PRKCB: variants seen among roughly 807,000 people sequenced by gnomAD.
PRKCB encodes the protein protein kinase C beta.
In PRKCB, 13 loss-of-function variants were observed where a neutral mutation model predicts 81.5. That is an observed-to-expected ratio of 0.16 (90% confidence interval 0.10 to 0.25). The LOEUF is 0.25. PRKCB is among the 10% of genes least tolerant of loss of function. PRKCB has a pLI of 1.00. For synonymous variants in PRKCB, 335 were observed against 321.4 expected, an observed-to-expected ratio of 1.04 and a Z score of -0.45; for missense variants, 509 against 875.7, an observed-to-expected ratio of 0.58 and a Z score of 5.29.
chr16:23,927,096 C>T (rs1035628750), intron 2 of PRKCB, among the ~76,000 whole-genome samples: 12 of 152,158 alleles, frequency 7.9e-5, no homozygotes, highest in East Asian at 5.8e-4. Flanking sequence ...GGTGCCTGTA[C>T]GGTGAGATAT....
chr16:24,178,636 T>A (rs1031630155), intron 12 of PRKCB, among the ~76,000 whole-genome samples: 5 of 152,218 alleles, frequency 3.3e-5, no homozygotes, highest in Admixed American at 2.0e-4. Context: ...TTCCAAACTT[T>A]CACACAAATC....
At chr16:24,188,525 A>T (rs1967739997) in intron 15 of PRKCB, among the ~76,000 whole-genome samples, 3 of 152,284 alleles carry the variant, frequency 2.0e-5, no homozygotes, top group South Asian at 4.2e-4. Context: ...TTTTGAAAAC[A>T]GTCACCTGTT....
intron 2 of PRKCB, among the ~76,000 whole-genome samples, chr16:23,841,649 C>CTTTTTTTTTTTTT (rs59288831): frequency 1.7e-5 from 1 of 59,046 alleles, no homozygotes; most frequent in Non-Finnish European, 2.9e-5. Context: ...CACCACGGCC[C>CTTTTTTTTTTTTT]TTTTTTTTTT....
intron 3 of PRKCB, among the ~76,000 whole-genome samples, chr16:23,991,094 G>A (rs1964881211): frequency 6.6e-6 from 1 of 152,178 alleles, no homozygotes; most frequent in African/African-American, 2.4e-5. Flanking sequence ...AAAGTGAGTA[G>A]TGACTATCTT....
At chr16:24,029,506 C>T (rs1042974692) in intron 3 of PRKCB, among the ~76,000 whole-genome samples, 2 of 152,148 alleles carry the variant, frequency 1.3e-5, no homozygotes, top group Non-Finnish European at 2.9e-5. Context: ...GCCTCCTCGT[C>T]CTCAAGAAAA....
intron 2 of PRKCB, among the ~76,000 whole-genome samples, chr16:23,845,290 A>G (rs2141077359): frequency 6.6e-6 from 1 of 152,288 alleles, no homozygotes; most frequent in Non-Finnish European, 1.5e-5. Context: ...CTTTGAAGAA[A>G]ATGGACTGGG....
At chr16:24,146,297 C>T (rs985444367) in intron 9 of PRKCB, among the ~76,000 whole-genome samples, 3 of 152,120 alleles carry the variant, frequency 2.0e-5, no homozygotes, top group Non-Finnish European at 4.4e-5. Context: ...TCCTTTTGGT[C>T]ATGCTAGGAA....
intron 4 of PRKCB, 40 bp from the exon 5 acceptor site, chr16:24,035,379 G>A: frequency 6.2e-7 from 1 of 1,602,180 alleles, no homozygotes; most frequent in Non-Finnish European, 8.5e-7. Flanking sequence ...CCCCCAGCCT[G>A]GGCCAGCCTA....
intron 9 of PRKCB, among the ~76,000 whole-genome samples, chr16:24,140,372 G>C (rs1004557650): frequency 6.6e-6 from 1 of 152,146 alleles, no homozygotes. Flanking sequence ...GTAACCACCC[G>C]GTGGGATCTT....
At position 23,913,559 on chromosome 16, in the gene PRKCB, T is replaced by A. The variant is rs537863532; in HGVS notation, c.206-74949T>A. On this transcript the variant is annotated intron_variant, in intron 2 of 16. Transcript: ENST00000643927. Reference sequence around the variant, plus strand: ...GTGGGAAAGCCAAGCTAGTCATTTCTGAGTGCGGGAGGAGAATAATGTGAC... The same window carrying A: ...GTGGGAAAGCCAAGCTAGTCATTTCAGAGTGCGGGAGGAGAATAATGTGAC... Among the ~76,000 whole-genome samples the A allele has an allele frequency of 4.6e-5, 7 of 152,316 alleles. No homozygotes were observed. In the South Asian group the frequency reaches 1.2e-3, roughly 27 times the overall value.
In PRKCB at chr16:24,217,056, C is replaced by T. The variant is rs796878305; in HGVS notation, c.*2240C>T. 8.5e-5 allele frequency: 83 copies of T among 972,418 alleles called. 1 individual carries two copies. The African/African-American group carries it at 1.4e-3, about 16-fold the overall frequency. 60.2% of individuals were successfully genotyped at this position (972,418 alleles called of 1,614,324 possible). ...GCCATTGACAAATGATCTGAGACAA[C>T]TTTAGAAAACAATGTAGGATGAATG... On this transcript the variant is annotated 3_prime_UTR_variant, in exon 17 of 17. Coordinates refer to ENST00000643927, the MANE Select transcript of PRKCB (RefSeq NM_002738.7).
intron 2 of PRKCB, among the ~76,000 whole-genome samples, chr16:23,903,834 T>G (rs1227085725): frequency 6.6e-6 from 1 of 152,194 alleles, no homozygotes; most frequent in Non-Finnish European, 1.5e-5. Flanking sequence ...TTCAAGTTCC[T>G]TCTGGATATT....
intron 2 of PRKCB, among the ~76,000 whole-genome samples, chr16:23,975,290 C>T (rs1567331429): frequency 6.6e-6 from 1 of 152,086 alleles, no homozygotes; most frequent in Non-Finnish European, 1.5e-5. Flanking sequence ...TGTCTCTGGG[C>T]TTCAAGGTAG....
chr16:24,032,375 T>C lies in PRKCB; in HGVS notation c.400+128T>C. ...GTCCTCGTTGGGGCTGGTGTACCAG[T>C]TATCTGTTGCTGCATAATGATCCTC... On this transcript the variant is annotated intron_variant, in intron 4 of 16. Transcript: ENST00000643927. 3 of 596,632 alleles carry C rather than the reference T, an allele frequency of 5.0e-6. No individual in the cohort carries two copies. In the South Asian group the frequency reaches 6.7e-5, roughly 13 times the overall value. The allele number at this position is 596,632 out of a possible 1,614,324, so 37.0% of individuals were successfully genotyped here.
intron 5 of PRKCB, among the ~76,000 whole-genome samples, chr16:24,077,960 A>G (rs1463296731): frequency 5.9e-5 from 9 of 152,136 alleles, no homozygotes; most frequent in Non-Finnish European, 1.2e-4. Context: ...AGGGAAGTAA[A>G]CCCGCCTTCC....
At chr16:24,213,934 C>T (rs1455291961) in intron 16 of PRKCB, among the ~76,000 whole-genome samples, 1 of 152,154 alleles carries the variant, frequency 6.6e-6, no homozygotes, top group Non-Finnish European at 1.5e-5. Flanking sequence ...CTTCACCAAA[C>T]AATGGTTTGT....
chr16:24,140,566 C>T (rs1156939586), intron 9 of PRKCB, among the ~76,000 whole-genome samples: 1 of 151,968 alleles, frequency 6.6e-6, no homozygotes, highest in Non-Finnish European at 1.5e-5. Flanking sequence ...GAGATGCAGT[C>T]ATAGGGGTGT....
intron 2 of PRKCB, among the ~76,000 whole-genome samples, chr16:23,843,339 A>G (rs1174860451): frequency 6.6e-6 from 1 of 152,102 alleles, no homozygotes; most frequent in Non-Finnish European, 1.5e-5. Flanking sequence ...CTGTGAGCCA[A>G]ACTCCACTCA....
rs8050605 is a variant in PRKCB, at chr16:23,913,822, A to T, written c.206-74686A>T. On this transcript the variant is annotated intron_variant, in intron 2 of 16. Transcript: ENST00000643927. ...CAGGTGATGTTTGGCTGTATGCTCC[A>T]CGAAAGGAATAGGGAACTTGGCTCC... Among the ~76,000 whole-genome samples, 262 of 151,948 alleles carry T rather than the reference A, an allele frequency of 1.7e-3. 2 individuals carry two copies. Among genetic ancestry groups the T allele is most frequent in the African/African-American group, 5.1e-3 (210 of 41,420 alleles).
Sources: allele counts gnomAD v4.1 joint callset (sites outside exome capture counted in the v4.1 genomes callset), GRCh38; gene constraint gnomAD v4.1.1; transcripts MANE v1.5; gene names NCBI Gene and HGNC (gene_info 2026-07-23, HGNC 2026-07-21).